Variants in IQSEC3 observed in about 807,000 individuals in gnomAD.
The protein encoded by IQSEC3 is IQ motif and SEC7 domain-containing protein 3.
In IQSEC3, 50 loss-of-function variants were observed where a neutral mutation model predicts 105.4. The ratio of observed to expected loss-of-function variants is 0.47; its 90% CI spans 0.38 to 0.60. IQSEC3 has a LOEUF of 0.60. IQSEC3 is among the 20% of genes least tolerant of loss of function. The probability of loss-of-function intolerance (pLI) is 0.00; values close to 1 mark genes in which losing one functional copy is unlikely to be tolerated. For missense variants in IQSEC3, 1,415 were observed against 1,630.0 expected, an observed-to-expected ratio of 0.87 and a Z score of 2.27; for synonymous variants, 708 against 746.0, an observed-to-expected ratio of 0.95 and a Z score of 0.83.
intron 5 of IQSEC3, chr12:142,223 C>T (rs1417158132): frequency 2.0e-5 from 3 of 152,274 alleles, no homozygotes; most frequent in African/African-American, 7.2e-5. Context: ...CCTGGAGCAG[C>T]AAGGGACTGC....
At chr12:86,946 C>G (rs1481617123) in intron 1 of IQSEC3, among the ~76,000 whole-genome samples, 14 of 151,962 alleles carry the variant, frequency 9.2e-5, no homozygotes, top group African/African-American at 3.1e-4. Flanking sequence ...GTGCTCTCTC[C>G]TGTGGTTCTA....
rs1448451909 is a variant in IQSEC3, at chr12:138,421, T to C, written c.1058T>C (p.Leu353Pro). 1.2e-6 allele frequency: 2 copies of C among 1,608,222 alleles called. No homozygotes were observed. Among genetic ancestry groups the C allele is most frequent in the Non-Finnish European group, 1.7e-6 (2 of 1,179,760 alleles). Reference protein sequence around the residue: ...LESRLPRRISLRKVRSPTAES... With the variant: ...LESRLPRRISPRKVRSPTAES... ...AGCCGCCTGCCACGGCGGATCTCCC[T>C]GCGCAAGGTGCGGTCACCCACGGCC... Residue 353 changes from leucine (L) to proline (P), a missense_variant, in exon 4 of 14, where the codon CTG becomes CCG. Leu to Pro is a moderately conservative substitution (Grantham distance 98). Coordinates refer to ENST00000538872, the MANE Select transcript of IQSEC3 (RefSeq NM_001170738.2). The surrounding 1 kb of genome is among the most constrained non-coding windows in gnomAD (Gnocchi z 7.1).
chr12:83,010 T>C (rs746053444), intron 1 of IQSEC3, among the ~76,000 whole-genome samples: 2 of 152,222 alleles, frequency 1.3e-5, no homozygotes, highest in Non-Finnish European at 1.5e-5. Context: ...AGTTCCCTGC[T>C]GGAAAACCAT....
chr12:87,728 A>C (rs1164203722), intron 1 of IQSEC3, among the ~76,000 whole-genome samples: 6 of 152,162 alleles, frequency 3.9e-5, no homozygotes, highest in Non-Finnish European at 7.3e-5. Context: ...AATGACACTG[A>C]AGACCAGTGG....
intron 1 of IQSEC3, among the ~76,000 whole-genome samples, chr12:89,317 G>A (rs1864011758): frequency 6.6e-6 from 1 of 152,124 alleles, no homozygotes. Flanking sequence ...TGCTTGGAAG[G>A]GGGTTAATCA....
chr12:138,999 G>A lies in IQSEC3; in HGVS notation c.1636G>A (p.Glu546Lys), dbSNP rs1332965052. Reference sequence around the variant, plus strand: ...CCCGGAAGCCCCCGCCGTGGGCCGGGAGGACGCGTCAGCCGAGGACTCATG... The same window carrying A: ...CCCGGAAGCCCCCGCCGTGGGCCGGAAGGACGCGTCAGCCGAGGACTCATG... ...EAPEAPAVGREDASAEDSCAE... is the reference protein window; with the variant it reads ...EAPEAPAVGRKDASAEDSCAE... The change falls in exon 4 of 14, where the codon GAG becomes AAG. Residue 546 changes from glutamate (E) to lysine (K), a missense_variant. Physicochemically the swap from Glu to Lys is moderately conservative, Grantham distance 56 (BLOSUM62 1). This residue lies in a region of IQSEC3 where 720 missense variants were observed against 633.0 expected (regional missense o/e 1.14). Coordinates refer to ENST00000538872, the MANE Select transcript of IQSEC3 (RefSeq NM_001170738.2). This position sits in a 1 kb window ranked among gnomAD's most constrained non-coding sequence, Gnocchi z 7.1. The A allele has an allele frequency of 2.6e-6, 4 of 1,529,346 alleles. No homozygotes were observed. The highest frequency in any genetic ancestry group is 2.4e-5 in the East Asian group (1 of 41,352). 94.7% of individuals were successfully genotyped at this position (1,529,346 alleles called of 1,614,324 possible).
intron 1 of IQSEC3, among the ~76,000 whole-genome samples, chr12:69,117 C>G (rs1450170158): frequency 2.0e-5 from 3 of 152,242 alleles, no homozygotes; most frequent in Non-Finnish European, 4.4e-5. Context: ...TTTTTCCAGT[C>G]CCCTTCCCTG....
chr12:70,860 A>G (rs1190114860), intron 1 of IQSEC3, among the ~76,000 whole-genome samples: 5 of 152,268 alleles, frequency 3.3e-5, no homozygotes, highest in Non-Finnish European at 5.9e-5. Context: ...ATGACTATGA[A>G]GTCTGAAGGG....
chr12:77,065 T>C lies in IQSEC3; in HGVS notation c.554+9629T>C, dbSNP rs2650204. Among the ~76,000 whole-genome samples, 1,423 of 152,146 alleles carry C rather than the reference T, an allele frequency of 9.4e-3. 17 individuals carry two copies. The highest frequency in any genetic ancestry group is 0.033 in the African/African-American group (1,360 of 41,388). On this transcript the variant is annotated intron_variant, in intron 1 of 13. Coordinates refer to ENST00000538872, the MANE Select transcript of IQSEC3 (RefSeq NM_001170738.2). ...TTAAAAACAGCAGCTACAAAAACTCTGCAAAGCGGGTGGGAATTTCCTGCT... is the reference window on the plus strand; with the variant it reads ...TTAAAAACAGCAGCTACAAAAACTCCGCAAAGCGGGTGGGAATTTCCTGCT...
At chr12:171,039 G>T (rs918450320) in intron 12 of IQSEC3, 73 bp from the exon 13 acceptor site, 54 of 1,579,322 alleles carry the variant, frequency 3.4e-5, no homozygotes, top group Non-Finnish European at 4.7e-5. Flanking sequence ...AGAGATGCTT[G>T]AGGGGCACAG....
chr12:174,531 C>T, intron 13 of IQSEC3, 68 bp from the exon 14 acceptor site: 1 of 1,391,794 alleles, frequency 7.2e-7, no homozygotes, highest in Non-Finnish European at 9.5e-7. Context: ...AGGCACAGGG[C>T]AGCCTGTCCT....
Position 100,491 on chromosome 12 carries a change from T to C in IQSEC3, c.623+1277T>C, listed in dbSNP as rs568238805. 2.9e-3 allele frequency among the ~76,000 whole-genome samples: 447 copies of C among 152,306 alleles called. 1 individual carries two copies. Among genetic ancestry groups the C allele is most frequent in the Non-Finnish European group, 4.3e-3 (291 of 68,028 alleles). The stretch of plus-strand genomic sequence containing the variant: ...ACAGACAGCCACCCCGTGAAAGGCA[T>C]TGCTGTTCATTTTGCCTCATAGGGG... On this transcript the variant is annotated intron_variant, in intron 2 of 13. Transcript: ENST00000538872.
intron 2 of IQSEC3, among the ~76,000 whole-genome samples, chr12:102,870 T>C (rs1864474884): frequency 6.6e-6 from 1 of 152,208 alleles, no homozygotes; most frequent in Non-Finnish European, 1.5e-5. Flanking sequence ...CTGAAAGCCC[T>C]GCGAAGCTGG....
At chr12:118,290 C>T (rs1565408396) in intron 2 of IQSEC3, among the ~76,000 whole-genome samples, 1 of 152,144 alleles carries the variant, frequency 6.6e-6, no homozygotes, top group African/African-American at 2.4e-5. Context: ...TTCACCTCCA[C>T]CCCCCTCATG....
At chr12:162,136 C>G (rs1866920512) in intron 8 of IQSEC3, 71 bp downstream of exon 8, 2 of 1,534,976 alleles carry the variant, frequency 1.3e-6, no homozygotes, top group Non-Finnish European at 1.8e-6. Flanking sequence ...TTCCCATTCT[C>G]CTTCTTACCT....
In IQSEC3 at chr12:138,943, C is replaced by T. The variant is rs782497212; in HGVS notation, c.1580C>T (p.Ala527Val). Residue 527 changes from alanine (A) to valine (V), a missense_variant, in exon 4 of 14, where the codon GCC becomes GTC. Around this residue, in one of 6 missense-constraint regions of IQSEC3, gnomAD observed 720 missense variants for 633.0 expected, o/e 1.14. Transcript: ENST00000538872. This position sits in a 1 kb window ranked among gnomAD's most constrained non-coding sequence, Gnocchi z 7.1. Reference protein sequence around the residue: ...QAPAEPAAGKAEQGETSGREA... With the variant: ...QAPAEPAAGKVEQGETSGREA... The stretch of plus-strand genomic sequence containing the variant: ...CCCGCAGAGCCCGCGGCGGGCAAGG[C>T]CGAGCAGGGCGAGACCTCTGGGCGG... The T allele has an allele frequency of 6.3e-7, 1 of 1,581,062 alleles. No homozygotes were observed. Among genetic ancestry groups the T allele is most frequent in the Non-Finnish European group, 8.6e-7 (1 of 1,164,906 alleles).
intron 12 of IQSEC3, among the ~76,000 whole-genome samples, chr12:169,504 G>A (rs1938856474): frequency 6.6e-6 from 1 of 152,176 alleles, no homozygotes; most frequent in African/African-American, 2.4e-5. Context: ...TAAGAGGGCA[G>A]GGTGACCAGA....
At chr12:76,216 TG>T (rs1167373542) in intron 1 of IQSEC3, among the ~76,000 whole-genome samples, 1 of 152,132 alleles carries the variant, frequency 6.6e-6, no homozygotes, top group Non-Finnish European at 1.5e-5. Context: ...GCCGTATCTC[TG>T]GGGGAAAAGA....
At chr12:174,556 A>G (rs1396913377) in intron 13 of IQSEC3, 43 bp from the exon 14 acceptor site, 1 of 1,480,212 alleles carries the variant, frequency 6.8e-7, no homozygotes, top group African/African-American at 1.4e-5. Flanking sequence ...GCTGGGAATT[A>G]GTCTTGTAAC....
Sources: allele counts gnomAD v4.1 joint callset (sites outside exome capture counted in the v4.1 genomes callset), GRCh38; gene constraint gnomAD v4.1.1; regional missense constraint gnomAD v4.1.1; non-coding constraint Gnocchi (gnomAD v3.1); transcripts MANE v1.5; gene names NCBI Gene and HGNC (gene_info 2026-07-23, HGNC 2026-07-21).